ZNF804B: variants seen among roughly 807,000 people sequenced by gnomAD.
ZNF804B encodes zinc finger 804B.
Under a neutral mutation model 101.4 loss-of-function variants are expected in ZNF804B, and 80 were observed. The observed-to-expected ratio is 0.79, with a 90% confidence interval of 0.66 to 0.95. The LOEUF is 0.95. Among genes scored for constraint, ZNF804B ranks in the 40% least tolerant of loss-of-function variants. The pLI is 0.00. For missense variants in ZNF804B, 1,673 were observed against 1,561.9 expected, an observed-to-expected ratio of 1.07 and a Z score of -1.20; for synonymous variants, 622 against 558.8, an observed-to-expected ratio of 1.11 and a Z score of -1.59.
intron 1 of ZNF804B, among the ~76,000 whole-genome samples, chr7:88,828,355 C>A (rs1318330550): frequency 1.3e-5 from 2 of 152,020 alleles, no homozygotes; most frequent in Non-Finnish European, 2.9e-5. Flanking sequence ...TACCCCAGGC[C>A]TTTCTGGTTT....
At chr7:89,201,597 A>G (rs1275535229) in intron 1 of ZNF804B, among the ~76,000 whole-genome samples, 1 of 152,088 alleles carries the variant, frequency 6.6e-6, no homozygotes, top group Non-Finnish European at 1.5e-5. Context: ...GAAAAGGATC[A>G]TAACTACTAC....
intron 1 of ZNF804B, among the ~76,000 whole-genome samples, chr7:88,774,207 T>G (rs1237145807): frequency 1.3e-5 from 2 of 151,606 alleles, no homozygotes; most frequent in African/African-American, 2.4e-5. Context: ...TTTAAGTTTT[T>G]TTTTTTTTTT....
chr7:88,943,275 A>T lies in ZNF804B; in HGVS notation c.108+183191A>T, dbSNP rs145903668. The stretch of plus-strand genomic sequence containing the variant: ...CCACTGGAGCTTGTTACACAGCAGC[A>T]GCCCTTTCACCCATCTCCAGGCCTT... On this transcript the variant is annotated intron_variant, in intron 1 of 3. Transcript: ENST00000333190. Among the ~76,000 whole-genome samples, 812 of 152,052 alleles carry T rather than the reference A, an allele frequency of 5.3e-3. 10 individuals are homozygous for T. The highest frequency in any genetic ancestry group is 0.019 in the African/African-American group (774 of 41,560).
chr7:88,794,684 C>G, intron 1 of ZNF804B: 4 of 1,613,708 alleles, frequency 2.5e-6, no homozygotes, highest in Non-Finnish European at 2.5e-6. Context: ...AGCAGCAATC[C>G]TGTCACTGCT....
intron 2 of ZNF804B, among the ~76,000 whole-genome samples, chr7:89,278,658 TG>T (rs1200792567): frequency 6.6e-6 from 1 of 151,120 alleles, no homozygotes; most frequent in African/African-American, 2.4e-5. Context: ...ATCAGATAGT[TG>T]TAGATATGTG....
At chr7:88,833,620 T>C (rs930850636) in intron 1 of ZNF804B, among the ~76,000 whole-genome samples, 20 of 151,982 alleles carry the variant, frequency 1.3e-4, no homozygotes, top group African/African-American at 4.6e-4. Context: ...GCTAATAATA[T>C]AATGCAAAAA....
intron 1 of ZNF804B, among the ~76,000 whole-genome samples, chr7:88,874,189 C>A (rs554743383): frequency 2.2e-3 from 336 of 152,110 alleles, no homozygotes; most frequent in Non-Finnish European, 3.4e-3. Flanking sequence ...CCTTCACATC[C>A]CTTGTAAGTT....
At chr7:89,185,229 C>T (rs182031577) in intron 1 of ZNF804B, among the ~76,000 whole-genome samples, 1 of 152,300 alleles carries the variant, frequency 6.6e-6, no homozygotes, top group Admixed American at 6.5e-5. Context: ...GTCCATTAAA[C>T]ACATGGCTGA....
chr7:88,833,644 A>G (rs1791165659), intron 1 of ZNF804B, among the ~76,000 whole-genome samples: 1 of 151,942 alleles, frequency 6.6e-6, no homozygotes, highest in Admixed American at 6.6e-5. Flanking sequence ...AGTTGCCATC[A>G]TATTTGAATG....
At chr7:88,863,911 G>A (rs891261356) in intron 1 of ZNF804B, among the ~76,000 whole-genome samples, 4 of 152,180 alleles carry the variant, frequency 2.6e-5, no homozygotes, top group African/African-American at 9.7e-5. Flanking sequence ...GACTGCAAGT[G>A]TCTGTAGGGT....
At chr7:89,265,161 C>A (rs1789767258) in intron 2 of ZNF804B, among the ~76,000 whole-genome samples, 2 of 152,042 alleles carry the variant, frequency 1.3e-5, no homozygotes, top group Non-Finnish European at 2.9e-5. Flanking sequence ...GGAAAGACTT[C>A]CACAATTGAT....
chr7:89,084,453 CA>C (rs1369437260), intron 1 of ZNF804B, among the ~76,000 whole-genome samples: 2 of 151,784 alleles, frequency 1.3e-5, no homozygotes, highest in Non-Finnish European at 2.9e-5. Flanking sequence ...CATTGGATAC[CA>C]GATTATATCA....
intron 1 of ZNF804B, among the ~76,000 whole-genome samples, chr7:88,848,336 T>A (rs1791404978): frequency 6.6e-6 from 1 of 152,170 alleles, no homozygotes; most frequent in African/African-American, 2.4e-5. Context: ...TTTGAATACC[T>A]GCTTCAGGAA....
chr7:88,973,195 A>G (rs1283936946), intron 1 of ZNF804B, among the ~76,000 whole-genome samples: 2 of 150,750 alleles, frequency 1.3e-5, no homozygotes, highest in Non-Finnish European at 3.0e-5. Flanking sequence ...AATAATGTGC[A>G]ATCTTTTTTT....
At chr7:88,954,563 C>CCG (rs1554349349) in intron 1 of ZNF804B, among the ~76,000 whole-genome samples, 5 of 151,210 alleles carry the variant, frequency 3.3e-5, no homozygotes, top group South Asian at 4.2e-4. Context: ...ATGCCCCCCC[C>CCG]CCACCACGGG....
At position 88,984,500 on chromosome 7, in the gene ZNF804B, A is replaced by G. The variant is rs138364451; in HGVS notation, c.108+224416A>G. Among the ~76,000 whole-genome samples, 378 of 151,908 alleles carry G rather than the reference A, an allele frequency of 2.5e-3. 8 individuals are homozygous for G. The highest frequency in any genetic ancestry group is 0.021 in the East Asian group (110 of 5,146). Reference sequence around the variant, plus strand: ...TTTATAATAATTATTTAATGTAAGTATATTCATTCTGTGTAACTGGATGCT... The same window carrying G: ...TTTATAATAATTATTTAATGTAAGTGTATTCATTCTGTGTAACTGGATGCT... On this transcript the variant is annotated intron_variant, in intron 1 of 3. Transcript: ENST00000333190.
At chr7:88,887,511 C>T (rs1583998417) in intron 1 of ZNF804B, among the ~76,000 whole-genome samples, 1 of 152,098 alleles carries the variant, frequency 6.6e-6, no homozygotes, top group South Asian at 2.1e-4. Flanking sequence ...TACCCCAGCA[C>T]CATTTATTGA....
At chr7:89,174,882 G>A in intron 1 of ZNF804B, among the ~76,000 whole-genome samples, 1 of 151,918 alleles carries the variant, frequency 6.6e-6, no homozygotes, top group Admixed American at 6.6e-5. Flanking sequence ...TGTATGCCAT[G>A]TTTATGTCTA....
At chr7:89,145,242 A>G (rs975050922) in intron 1 of ZNF804B, among the ~76,000 whole-genome samples, 1 of 152,108 alleles carries the variant, frequency 6.6e-6, no homozygotes, top group South Asian at 2.1e-4. Context: ...TTTAAAAAAT[A>G]TTGCCAATTA....
Sources: allele counts gnomAD v4.1 joint callset (sites outside exome capture counted in the v4.1 genomes callset), GRCh38; gene constraint gnomAD v4.1.1; transcripts MANE v1.5; gene names NCBI Gene and HGNC (gene_info 2026-07-23, HGNC 2026-07-21).